CA13: variants seen among roughly 807,000 people sequenced by gnomAD.
CA13 encodes CA-XIII.
A neutral mutation model predicts 31.5 loss-of-function variants in CA13; 21 were observed. The ratio of observed to expected loss-of-function variants is 0.67; its 90% CI spans 0.47 to 0.96. CA13 has a LOEUF of 0.96. Among genes scored for constraint, CA13 ranks in the 40% least tolerant of loss-of-function variants. The pLI is 0.00. For missense variants in CA13, 315 were observed against 318.9 expected (o/e 0.99, Z 0.09); for synonymous variants, 117 against 111.4 (o/e 1.05, Z -0.32).
intron 3 of CA13, among the ~76,000 whole-genome samples, chr8:85,265,101 T>C (rs1284956814): frequency 1.3e-5 from 2 of 152,236 alleles, no homozygotes; most frequent in African/African-American, 4.8e-5. Flanking sequence ...GGGATAAACA[T>C]GTATTTGAAT....
intron 3 of CA13, among the ~76,000 whole-genome samples, chr8:85,260,592 T>C (rs939078685): frequency 1.3e-5 from 2 of 152,176 alleles, no homozygotes; most frequent in Non-Finnish European, 2.9e-5. Context: ...CTAAATCACT[T>C]GTGTTTGAGG....
chr8:85,273,793 G>A (rs988711255), intron 6 of CA13, among the ~76,000 whole-genome samples: 1 of 152,076 alleles, frequency 6.6e-6, no homozygotes, highest in Non-Finnish European at 1.5e-5. Context: ...GTATTGGTTC[G>A]AACCCCAAGA....
At chr8:85,260,014 G>A (rs1223149709) in intron 3 of CA13, among the ~76,000 whole-genome samples, 1 of 151,668 alleles carries the variant, frequency 6.6e-6, no homozygotes, top group Non-Finnish European at 1.5e-5. Context: ...ATAGGTAAAT[G>A]GCAAAGTTTC....
intron 6 of CA13, among the ~76,000 whole-genome samples, chr8:85,280,978 G>A (rs879787804): frequency 6.6e-6 from 1 of 152,122 alleles, no homozygotes; most frequent in East Asian, 1.9e-4. Context: ...CCACACTCTA[G>A]ATGTTTCCTC....
At position 85,281,367 on chromosome 8, in the gene CA13, C is replaced by T; in HGVS notation, c.*18C>T. 1 of 1,613,100 alleles carries T rather than the reference C, an allele frequency of 6.2e-7. No individual in the cohort carries two copies. Among genetic ancestry groups the T allele is most frequent in the Non-Finnish European group, 8.5e-7 (1 of 1,179,378 alleles). ...TCCATTAAAAATTGTCACCAATGAA[C>T]TCCCCCAAACATGGCTGTGGAGAGA... On this transcript the variant is annotated 3_prime_UTR_variant, in exon 7 of 7. Coordinates refer to ENST00000321764, the MANE Select transcript of CA13 (RefSeq NM_198584.3).
chr8:85,279,711 G>A (rs1807669744), intron 6 of CA13, among the ~76,000 whole-genome samples: 1 of 152,196 alleles, frequency 6.6e-6, no homozygotes, highest in Non-Finnish European at 1.5e-5. Flanking sequence ...GATGAGGCCT[G>A]TGGACCCATG....
chr8:85,271,557 C>G (rs1256359190), intron 6 of CA13, among the ~76,000 whole-genome samples: 5 of 152,204 alleles, frequency 3.3e-5, no homozygotes, highest in Non-Finnish European at 7.3e-5. Flanking sequence ...GGGACAACTT[C>G]TCTTGCCAAG....
intron 3 of CA13, 97 bp from the exon 4 acceptor site, chr8:85,266,511 G>C: frequency 1.2e-6 from 1 of 832,774 alleles, no homozygotes; most frequent in Non-Finnish European, 2.0e-6. Flanking sequence ...ATACATAAGT[G>C]TACAGCACCA....
chr8:85,278,224 C>T (rs1342177825), intron 6 of CA13, among the ~76,000 whole-genome samples: 2 of 146,416 alleles, frequency 1.4e-5, no homozygotes, highest in African/African-American at 5.1e-5. Flanking sequence ...CGAGATTATG[C>T]CACTGCAATC....
intron 6 of CA13, among the ~76,000 whole-genome samples, chr8:85,278,558 G>A (rs367922014): frequency 5.3e-5 from 8 of 152,266 alleles, no homozygotes; most frequent in East Asian, 1.9e-4. Context: ...ATGTATTATA[G>A]GGATGTATTT....
At chr8:85,245,914 G>A in intron 1 of CA13, 49 bp downstream of exon 1, 11 of 1,609,626 alleles carry the variant, frequency 6.8e-6, no homozygotes, top group Non-Finnish European at 9.4e-6. Flanking sequence ...GGGGACGAGA[G>A]GACTAGCGCG....
At chr8:85,265,200 G>GGTTTTATCAGGTTCATTA (rs1807440184) in intron 3 of CA13, among the ~76,000 whole-genome samples, 1 of 152,114 alleles carries the variant, frequency 6.6e-6, no homozygotes, top group African/African-American at 2.4e-5. Context: ...AAAACAAAAG[G>GGTTTTATCAGGTTCATTA]GATTCATTAG....
chr8:85,246,645 G>A (rs1291177128), intron 1 of CA13: 2 of 371,806 alleles, frequency 5.4e-6, no homozygotes, highest in African/African-American at 2.1e-5. Context: ...ATTATCAAAA[G>A]TAAAACATTT....
At chr8:85,258,086 G>A (rs1312170390) in intron 2 of CA13, among the ~76,000 whole-genome samples, 1 of 151,088 alleles carries the variant, frequency 6.6e-6, no homozygotes, top group East Asian at 1.9e-4. Flanking sequence ...GGCTGGTCTT[G>A]AACTCCTGGG....
chr8:85,251,010 T>C, intron 2 of CA13, 73 bp downstream of exon 2: 1 of 1,283,896 alleles, frequency 7.8e-7, no homozygotes, highest in Non-Finnish European at 1.1e-6. Flanking sequence ...TCTTTTTTTT[T>C]TTTTTTTTTT....
chr8:85,265,556 C>G (rs1287732056), intron 3 of CA13, among the ~76,000 whole-genome samples: 1 of 152,044 alleles, frequency 6.6e-6, no homozygotes, highest in Non-Finnish European at 1.5e-5. Flanking sequence ...TTCCCTTCCC[C>G]CTTGTTTTAT....
At chr8:85,257,584 C>T (rs920311546) in intron 2 of CA13, among the ~76,000 whole-genome samples, 1 of 151,212 alleles carries the variant, frequency 6.6e-6, no homozygotes, top group African/African-American at 2.4e-5. Context: ...ACTAGCTGGA[C>T]GTAGCTGTGT....
intron 1 of CA13, among the ~76,000 whole-genome samples, chr8:85,248,138 T>A (rs1813762389): frequency 6.6e-6 from 1 of 152,246 alleles, no homozygotes; most frequent in African/African-American, 2.4e-5. Flanking sequence ...CTAAATCAGT[T>A]GAGCAACCAC....
intron 1 of CA13, among the ~76,000 whole-genome samples, chr8:85,247,104 CTTGA>C (rs767085549): frequency 1.8e-4 from 28 of 152,118 alleles, no homozygotes; most frequent in Admixed American, 5.2e-4. Context: ...CAGATTTCTT[CTTGA>C]TTAAGGCCAT....
Sources: allele counts gnomAD v4.1 joint callset (sites outside exome capture counted in the v4.1 genomes callset), GRCh38; gene constraint gnomAD v4.1.1; transcripts MANE v1.5; gene names NCBI Gene and HGNC (gene_info 2026-07-23, HGNC 2026-07-21).